The following KIAA1217 variants were observed in gnomAD, a reference collection of about 807,000 sequenced individuals.
KIAA1217 encodes the protein KIAA1217.
Under a neutral mutation model 163.9 loss-of-function variants are expected in KIAA1217, and 88 were observed. The ratio of observed to expected loss-of-function variants is 0.54; its 90% CI spans 0.45 to 0.64. KIAA1217 has a LOEUF of 0.64. Ranked by LOEUF, KIAA1217 falls within the 30% of genes least tolerant of loss-of-function variation. KIAA1217 has a pLI of 0.00. For synonymous variants in KIAA1217, 903 were observed against 923.1 expected (o/e 0.98, Z 0.39); for missense variants, 2,372 against 2,475.0 (o/e 0.96, Z 0.88).
chr10:24,239,013 C>T (rs2131256677), intron 2 of KIAA1217: 1 of 236,516 alleles, frequency 4.2e-6, no homozygotes, highest in Non-Finnish European at 6.9e-6. Flanking sequence ...TTGTTTAAGT[C>T]TTCGCCTGAC....
chr10:24,000,830 C>T (rs995091539), intron 1 of KIAA1217, among the ~76,000 whole-genome samples: 6 of 152,338 alleles, frequency 3.9e-5, no homozygotes, highest in East Asian at 3.9e-4. Flanking sequence ...GAGCACTGCT[C>T]GCCCTCCGTG....
At chr10:23,898,734 AT>A (rs997651057) in intron 1 of KIAA1217, among the ~76,000 whole-genome samples, 12 of 151,952 alleles carry the variant, frequency 7.9e-5, no homozygotes, top group Non-Finnish European at 1.5e-4. Flanking sequence ...ACAAGTCCCA[AT>A]TTTCCCCTCC....
At chr10:24,220,525 G>A (rs969543577) in intron 2 of KIAA1217, among the ~76,000 whole-genome samples, 3 of 141,272 alleles carry the variant, frequency 2.1e-5, no homozygotes, top group Middle Eastern at 3.9e-3. Context: ...TGCGATCTTG[G>A]TTCACTGCAA....
At chr10:24,209,630 G>C (rs1431007553) in intron 1 of KIAA1217, among the ~76,000 whole-genome samples, 1 of 152,192 alleles carries the variant, frequency 6.6e-6, no homozygotes, top group Non-Finnish European at 1.5e-5. Flanking sequence ...TTGTGAAACT[G>C]TCTCTAGGAC....
intron 2 of KIAA1217, among the ~76,000 whole-genome samples, chr10:24,363,876 C>A (rs1554831291): frequency 6.6e-6 from 1 of 151,706 alleles, no homozygotes; most frequent in Non-Finnish European, 1.5e-5. Flanking sequence ...CAGGCCCATT[C>A]TTTTAATCTT....
rs10562687 is a variant in KIAA1217 at position 24,193,801 on chromosome 10, T to TACACAC, written c.-170-25785_-170-25780dup. On this transcript the variant is annotated intron_variant, in intron 2 of 18. Transcript: ENST00000376462. Reference sequence around the variant, plus strand: ...TATGAACTCCATCTGCAGCGTTTTCTACACACACACACACACACACACACA... The same window carrying TACACAC: ...TATGAACTCCATCTGCAGCGTTTTCTACACACACACACACACACACACACACACACA... Among the ~76,000 whole-genome samples, 558 of 142,368 alleles carry TACACAC rather than the reference T, an allele frequency of 3.9e-3. 3 individuals carry two copies. The highest frequency in any genetic ancestry group is 0.011 in the Middle Eastern group (3 of 282). The allele number at this position is 142,368 out of a possible 152,430, so 93.4% of individuals were successfully genotyped here.
chr10:23,896,549 T>G (rs1354076942), intron 1 of KIAA1217, among the ~76,000 whole-genome samples: 1 of 152,020 alleles, frequency 6.6e-6, no homozygotes, highest in Admixed American at 6.6e-5. Context: ...GATTTTGACC[T>G]CTTATTATCT....
intron 1 of KIAA1217, among the ~76,000 whole-genome samples, chr10:24,004,845 C>T (rs1023120970): frequency 7.9e-5 from 12 of 152,146 alleles, no homozygotes; most frequent in Non-Finnish European, 2.9e-5. Context: ...ATGTTTGGAA[C>T]AGGGATAGAA....
chr10:24,402,544 G>T (rs985739438), intron 3 of KIAA1217, among the ~76,000 whole-genome samples: 16 of 131,176 alleles, frequency 1.2e-4, no homozygotes, highest in African/African-American at 4.6e-4. Flanking sequence ...AAAAAAAAAG[G>T]CAAAGGAGTT....
intron 2 of KIAA1217, among the ~76,000 whole-genome samples, chr10:24,084,989 C>T (rs932531011): frequency 9.4e-5 from 14 of 149,382 alleles, no homozygotes; most frequent in African/African-American, 3.5e-4. Flanking sequence ...TCTCGGCTCA[C>T]TGCAAGCTCT....
chr10:24,369,910 TTC>T (rs1238175307), intron 2 of KIAA1217, among the ~76,000 whole-genome samples: 1 of 152,182 alleles, frequency 6.6e-6, no homozygotes, highest in Non-Finnish European at 1.5e-5. Flanking sequence ...CTTTTCTTGT[TTC>T]AGAAAGAAAG....
chr10:23,820,429 C>T (rs1296866678), intron 1 of KIAA1217, among the ~76,000 whole-genome samples: 1 of 152,222 alleles, frequency 6.6e-6, no homozygotes, highest in East Asian at 1.9e-4. Context: ...CTCTAATTAA[C>T]ATTAACTGTG....
chr10:24,514,956 C>T (rs1469112795), intron 10 of KIAA1217, among the ~76,000 whole-genome samples: 3 of 151,858 alleles, frequency 2.0e-5, no homozygotes, highest in African/African-American at 7.3e-5. Context: ...TGCACCACTG[C>T]ACTCCAGCCT....
At chr10:24,448,247 G>T (rs937448268) in intron 5 of KIAA1217, among the ~76,000 whole-genome samples, 9 of 108,424 alleles carry the variant, frequency 8.3e-5, no homozygotes, top group Non-Finnish European at 1.4e-4. Flanking sequence ...TTTTTTGCGT[G>T]GGGGGGGCTG....
Position 24,536,845 on chromosome 10 carries a change from C to G in KIAA1217, c.3486C>G (p.His1162Gln). Reference protein sequence around the residue: ...SHAEPSRADSHVKDTRSGATV... With the variant: ...SHAEPSRADSQVKDTRSGATV... ...CTGAGCCATCCCGGGCTGACAGTCACGTTAAAGACACTAGGTCGGGCGCCA... is the reference window on the plus strand; with the variant it reads ...CTGAGCCATCCCGGGCTGACAGTCAGGTTAAAGACACTAGGTCGGGCGCCA... Residue 1162 changes from histidine (H) to glutamine (Q), a missense_variant, in exon 17 of 21, where the codon CAC (histidine) becomes CAG (glutamine). His to Gln is a conservative substitution (Grantham distance 24). Transcript: ENST00000376454. 1.2e-6 allele frequency: 2 copies of G among 1,614,010 alleles called. No individual in the cohort carries two copies. Among genetic ancestry groups the G allele is most frequent in the Non-Finnish European group, 1.7e-6 (2 of 1,179,966 alleles).
chr10:24,370,074 G>C (rs2051366030), intron 2 of KIAA1217, among the ~76,000 whole-genome samples: 1 of 152,060 alleles, frequency 6.6e-6, no homozygotes, highest in Non-Finnish European at 1.5e-5. Flanking sequence ...GACCATCCTG[G>C]CTAACACGGT....
At chr10:24,510,825 C>T (rs1320260297) in intron 9 of KIAA1217, among the ~76,000 whole-genome samples, 1 of 152,200 alleles carries the variant, frequency 6.6e-6, no homozygotes, top group African/African-American at 2.4e-5. Flanking sequence ...CTGATCCCAA[C>T]ACATATCTAA....
At chr10:24,124,080 A>G (rs1280835818) in intron 2 of KIAA1217, among the ~76,000 whole-genome samples, 3 of 152,196 alleles carry the variant, frequency 2.0e-5, no homozygotes, top group Non-Finnish European at 4.4e-5. Context: ...ATTTCATTTT[A>G]TGGATAAAAA....
At chr10:23,852,523 A>G (rs1018692602) in intron 1 of KIAA1217, among the ~76,000 whole-genome samples, 4 of 151,978 alleles carry the variant, frequency 2.6e-5, no homozygotes, top group African/African-American at 7.2e-5. Context: ...CATATGAACT[A>G]TAAGTAGTTT....
Sources: gnomAD v4.1 joint callset for allele counts (sites outside exome capture counted in the v4.1 genomes callset) on GRCh38, gnomAD v4.1.1 for gene constraint, MANE v1.5 for transcripts, NCBI Gene and HGNC (gene_info 2026-07-23, HGNC 2026-07-21) for gene names.